SLC2A1: variants seen among roughly 807,000 people sequenced by gnomAD.
SLC2A1 encodes solute carrier family 2 member 1, also known as solute carrier family 2, facilitated glucose transporter member 1.
In SLC2A1, 4 loss-of-function variants were observed where a neutral mutation model predicts 46.6. The observed-to-expected ratio is 0.09, with a 90% CI of 0.04 to 0.20. The LOEUF (loss-of-function observed/expected upper bound fraction) is 0.20, where lower values mean the gene tolerates loss of function less well. Ranked by LOEUF, SLC2A1 falls within the 10% of genes least tolerant of loss-of-function variation. The pLI is 1.00. For missense variants in SLC2A1, 352 were observed against 667.0 expected (o/e 0.53, Z 5.20); for synonymous variants, 253 against 270.0 (o/e 0.94, Z 0.62).
chr1:42,943,555 A>T (rs913817631), intron 1 of SLC2A1, among the ~76,000 whole-genome samples: 2 of 151,712 alleles, frequency 1.3e-5, no homozygotes, highest in African/African-American at 4.8e-5. Flanking sequence ...GGGAAGTATG[A>T]TCTTCTCTCT....
Position 42,927,347 on chromosome 1 carries a change from C to G in SLC2A1, c.1279-106G>C, listed in dbSNP as rs993741240. ...TTGGGCCTTTGAGCTGAAAAGGGAA[C>G]ATCCACCTACCCAGGGATGCTATCA... On this transcript the variant is annotated intron_variant, in intron 9 of 9. Coordinates refer to ENST00000426263, the MANE Select transcript of SLC2A1 (RefSeq NM_006516.4). The surrounding 1 kb of genome is among the most constrained non-coding windows in gnomAD (Gnocchi z 5.3). 9.8e-6 allele frequency: 10 copies of G among 1,023,992 alleles called. No homozygotes were observed. The East Asian group carries it at 2.5e-4, about 26-fold the overall frequency. 63.4% of individuals were successfully genotyped at this position (1,023,992 alleles called of 1,614,324 possible). A position where few individuals can be genotyped will look rare whatever the true frequency, so the allele number is the denominator to read the frequency against.
intron 1 of SLC2A1, chr1:42,952,385 AT>A (rs3216016): frequency 0.16 from 78,894 of 481,300 alleles, 6,994 homozygotes; most frequent in South Asian, 0.18. Flanking sequence ...GCTGGAGGAG[AT>A]TCCCGTAGAG....
chr1:42,952,273 C>A (rs1020533497), intron 1 of SLC2A1: 7 of 420,334 alleles, frequency 1.7e-5, no homozygotes, highest in African/African-American at 1.2e-4. Flanking sequence ...CAGGATCAAG[C>A]CCACAAATAG....
chr1:42,935,179 C>A (rs1643529928), intron 2 of SLC2A1, among the ~76,000 whole-genome samples: 1 of 152,184 alleles, frequency 6.6e-6, no homozygotes, highest in African/African-American at 2.4e-5. Flanking sequence ...AGATCTCTGT[C>A]CAGGTGCCTC....
intron 1 of SLC2A1, among the ~76,000 whole-genome samples, chr1:42,950,168 A>G (rs778463702): frequency 6.6e-6 from 1 of 152,268 alleles, no homozygotes; most frequent in Non-Finnish European, 1.5e-5. Context: ...TAAGAATTAT[A>G]TTAAATTCAC....
At chr1:42,944,447 G>C (rs574287755) in intron 1 of SLC2A1, among the ~76,000 whole-genome samples, 1 of 152,192 alleles carries the variant, frequency 6.6e-6, no homozygotes, top group Non-Finnish European at 1.5e-5. Context: ...CATTCACTAC[G>C]CACACTATAC....
At chr1:42,951,703 C>CT (rs1004513583) in intron 1 of SLC2A1, 106 of 396,782 alleles carry the variant, frequency 2.7e-4, no homozygotes, top group African/African-American at 2.1e-3. Flanking sequence ...CCAGTCACAT[C>CT]TAAGAACTTT....
At chr1:42,958,257 C>T (rs1388967156) in intron 1 of SLC2A1, among the ~76,000 whole-genome samples, 2 of 151,442 alleles carry the variant, frequency 1.3e-5, no homozygotes, top group Non-Finnish European at 1.5e-5. Flanking sequence ...CCCTCCCCCG[C>T]ACCGGGAGGG....
chr1:42,929,278 C>A lies in SLC2A1; in HGVS notation c.904G>T (p.Gly302Trp), dbSNP rs1228422579. The change falls in exon 7 of 10, where the codon GGG becomes TGG. Residue 302 changes from glycine to tryptophan, a missense_variant. Physicochemically the swap from Gly to Trp is radical, Grantham distance 184. Around this residue, in one of 5 missense-constraint regions of SLC2A1, gnomAD observed 167 missense variants for 280.8 expected, o/e 0.59. Coordinates refer to ENST00000426263, the MANE Select transcript of SLC2A1 (RefSeq NM_006516.4). This position sits in a 1 kb window ranked among gnomAD's most constrained non-coding sequence, Gnocchi z 6.0. The part of the protein sequence containing the change: ...YYSTSIFEKA[G>W]VQQPVYATIG... ...GTGGCATACACAGGCTGCTGCACCC[C>A]CGCCTTCTCGAAGATGCTCGTGGAG... The A allele has an allele frequency of 6.2e-7, 1 of 1,613,726 alleles. No homozygotes were observed. Among genetic ancestry groups the A allele is most frequent in the Admixed American group, 1.7e-5 (1 of 59,974 alleles).
Position 42,927,644 on chromosome 1 carries a change from G to A in SLC2A1, c.1239C>T (p.Thr413=). 1 of 1,614,180 alleles carries A rather than the reference G, an allele frequency of 6.2e-7. No homozygotes were observed. Among genetic ancestry groups the A allele is most frequent in the Non-Finnish European group, 8.5e-7 (1 of 1,180,036 alleles). Reference sequence around the variant, plus strand: ...AGCACATGCCCACAATGAAATTTGAGGTCCAGTTGGAGAAGCCTGCAACGG... The same window carrying A: ...AGCACATGCCCACAATGAAATTTGAAGTCCAGTTGGAGAAGCCTGCAACGG... ...AIAVAGFSNW[T]SNFIVGMCFQ... The change falls in exon 9 of 10, where the codon ACC becomes ACT. Residue 413 remains threonine (T), a synonymous_variant. Coordinates refer to ENST00000426263, the MANE Select transcript of SLC2A1 (RefSeq NM_006516.4). The surrounding 1 kb of genome is among the most constrained non-coding windows in gnomAD (Gnocchi z 5.3).
intron 1 of SLC2A1, among the ~76,000 whole-genome samples, chr1:42,946,198 A>C (rs1184457529): frequency 6.6e-6 from 1 of 152,202 alleles, no homozygotes; most frequent in Admixed American, 6.5e-5. Context: ...GAGGCCAAGG[A>C]CATACCCCTC....
intron 1 of SLC2A1, among the ~76,000 whole-genome samples, chr1:42,949,505 C>T (rs1288501604): frequency 6.6e-6 from 1 of 152,182 alleles, no homozygotes; most frequent in African/African-American, 2.4e-5. Flanking sequence ...AAAACCTGAC[C>T]TTAGGGTGAC....
intron 2 of SLC2A1, 66 bp downstream of exon 2, chr1:42,943,160 G>T: frequency 9.7e-7 from 1 of 1,032,450 alleles, no homozygotes; most frequent in African/African-American, 1.6e-5. Context: ...GCGTGAGACT[G>T]TGGGCATGTG....
Position 42,929,899 on chromosome 1 carries a change from C to T in SLC2A1, c.653G>A (p.Arg218His), listed in dbSNP as rs374080633. ...ACTCTTGGCCCGGTTCTCCTCGTTG[C>T]GGTTGATGAGCAGGAAGCGGGGACT... ...PESPRFLLIN[R>H]NEENRAKSVL... The change falls in exon 5 of 10, where the codon CGC (arginine) becomes CAC (histidine). Residue 218 changes from arginine to histidine, a missense_variant. Coordinates refer to ENST00000426263, the MANE Select transcript of SLC2A1 (RefSeq NM_006516.4). This position sits in a 1 kb window ranked among gnomAD's most constrained non-coding sequence, Gnocchi z 6.0. 4.5e-5 allele frequency: 72 copies of T among 1,613,944 alleles called. No homozygotes were observed. The highest frequency in any genetic ancestry group is 1.4e-5 in the Non-Finnish European group (17 of 1,180,026).
chr1:42,958,584 G>A, intron 1 of SLC2A1, 50 bp downstream of exon 1: 1 of 1,491,560 alleles, frequency 6.7e-7, no homozygotes, highest in South Asian at 1.2e-5. Flanking sequence ...AGGCGGGCAG[G>A]AGTCTGCGCC....
rs564784478 is a variant in SLC2A1 at position 42,954,204 on chromosome 1, G to A, written c.18+4430C>T. Among the ~76,000 whole-genome samples the A allele has an allele frequency of 8.3e-6, 1 of 120,972 alleles. No homozygotes were observed. The highest frequency in any genetic ancestry group is 9.1e-5 in the Admixed American group (1 of 11,042). The allele number at this position is 120,972 out of a possible 152,430, so 79.4% of individuals were successfully genotyped here. On this transcript the variant is annotated intron_variant, in intron 1 of 9. Transcript: ENST00000426263. This position sits in a 1 kb window ranked among gnomAD's most constrained non-coding sequence, Gnocchi z 4.2. ...AGGATGGCACAGACAGGCATGTGGA[G>A]AAGAAAGCATCTTTAAAAAAAAAAC...
Position 42,927,248 on chromosome 1 carries a change from GAC to G in SLC2A1, c.1279-9_1279-8del, listed in dbSNP as rs754641257. ...CGTAGGGACCACACAGTTGCTGAAA[GAC>G]ACACAGACACACTTGGTTGGAGTCA... is the stretch of plus-strand genomic sequence containing the variant. On this transcript the variant is annotated splice_polypyrimidine_tract_variant and splice_region_variant and intron_variant, in intron 9 of 9. Coordinates refer to ENST00000426263, the MANE Select transcript of SLC2A1 (RefSeq NM_006516.4). This position sits in a 1 kb window ranked among gnomAD's most constrained non-coding sequence, Gnocchi z 5.3. The G allele has an allele frequency of 1.2e-6, 2 of 1,613,072 alleles. No homozygotes were observed. The highest frequency in any genetic ancestry group is 2.7e-5 in the African/African-American group (2 of 74,924).
Position 42,926,928 on chromosome 1 carries a change from C to T in SLC2A1, c.*113G>A. ...CATTGCTGGCTGGAGAAAGGAGCCC[C>T]AGGCCCGGCTCGGCTGACATCTGTC... On this transcript the variant is annotated 3_prime_UTR_variant, in exon 10 of 10. Transcript: ENST00000426263. 2.0e-6 allele frequency: 3 copies of T among 1,537,088 alleles called. No homozygotes were observed. Among genetic ancestry groups the T allele is most frequent in the Non-Finnish European group, 2.6e-6 (3 of 1,146,410 alleles).
In SLC2A1 at chr1:42,943,528, A is replaced by G. The variant is rs41310434; in HGVS notation, c.19-207T>C. On this transcript the variant is annotated intron_variant, in intron 1 of 9. Transcript: ENST00000426263. ...TTCAAGATACTGGGCTGGCCGGGCCATTTCCTGGGGAGAGAGGGGAAGTAT... is the reference window on the plus strand; with the variant it reads ...TTCAAGATACTGGGCTGGCCGGGCCGTTTCCTGGGGAGAGAGGGGAAGTAT... Among the ~76,000 whole-genome samples, 1,782 of 152,192 alleles carry G rather than the reference A, an allele frequency of 0.012. 26 individuals are homozygous for G. The highest frequency in any genetic ancestry group is 0.061 in the Middle Eastern group (18 of 294).
Sources: gnomAD v4.1 joint callset for allele counts (sites outside exome capture counted in the v4.1 genomes callset) on GRCh38, gnomAD v4.1.1 for gene constraint, gnomAD v4.1.1 regional missense constraint, Gnocchi (gnomAD v3.1) non-coding constraint, MANE v1.5 for transcripts, NCBI Gene and HGNC (gene_info 2026-07-23, HGNC 2026-07-21) for gene names.